The following ANKRD28 variants were observed in gnomAD, a reference collection of about 807,000 sequenced individuals.
ANKRD28 encodes ankyrin repeat domain 28, also known as serine/threonine-protein phosphatase 6 regulatory ankyrin repeat subunit A.
A neutral mutation model predicts 126.5 loss-of-function variants in ANKRD28; 44 were observed. The ratio of observed to expected loss-of-function variants is 0.35; its 90% CI spans 0.27 to 0.45. ANKRD28 has a LOEUF of 0.45. ANKRD28 is among the 20% of genes least tolerant of loss of function. The pLI is 1.00. For synonymous variants in ANKRD28, 442 were observed against 468.5 expected (o/e 0.94, Z 0.73); for missense variants, 1,110 against 1,316.6 (o/e 0.84, Z 2.43).
Position 15,670,150 on chromosome 3 carries a change from A to G in ANKRD28, c.*120T>C, listed in dbSNP as rs938248391. On this transcript the variant is annotated 3_prime_UTR_variant, in exon 28 of 28. Transcript: ENST00000683139. ...TCCTAATGCCATCAGATCTCTTAAC[A>G]TTGGCTCACTGTGGGATCTTTCCTC... The G allele has an allele frequency of 3.5e-6, 4 of 1,139,616 alleles. No individual in the cohort carries two copies. The highest frequency in any genetic ancestry group is 4.9e-6 in the Non-Finnish European group (4 of 812,954). 70.6% of individuals were successfully genotyped at this position (1,139,616 alleles called of 1,614,324 possible).
At chr3:15,822,021 A>G (rs1352183454) in intron 1 of ANKRD28, among the ~76,000 whole-genome samples, 1 of 152,210 alleles carries the variant, frequency 6.6e-6, no homozygotes, top group Admixed American at 6.5e-5. Flanking sequence ...GGAAGGAAGA[A>G]GCTGGAGAAG....
At position 15,670,138 on chromosome 3, in the gene ANKRD28, A is replaced by T; in HGVS notation, c.*132T>A. The T allele has an allele frequency of 2.0e-6, 2 of 997,826 alleles. No homozygotes were observed. Among genetic ancestry groups the T allele is most frequent in the Non-Finnish European group, 2.9e-6 (2 of 691,100 alleles). The allele number at this position is 997,826 out of a possible 1,614,324, so 61.8% of individuals were successfully genotyped here. ...TAAAACTCTTCCTCCTAATGCCATC[A>T]GATCTCTTAACATTGGCTCACTGTG... On this transcript the variant is annotated 3_prime_UTR_variant, in exon 28 of 28. Transcript: ENST00000683139.
intron 7 of ANKRD28, among the ~76,000 whole-genome samples, chr3:15,723,407 T>C (rs2073925404): frequency 6.6e-6 from 1 of 152,228 alleles, no homozygotes; most frequent in Admixed American, 6.5e-5. Context: ...ATCTTCTAAT[T>C]TACTGTTTTA....
intron 2 of ANKRD28, among the ~76,000 whole-genome samples, chr3:15,768,199 T>G (rs2058837883): frequency 6.6e-6 from 1 of 152,214 alleles, no homozygotes; most frequent in African/African-American, 2.4e-5. Context: ...TTTCAAGATT[T>G]AAACAAATGA....
chr3:15,745,849 A>G (rs1233911537), intron 4 of ANKRD28, among the ~76,000 whole-genome samples: 1 of 151,814 alleles, frequency 6.6e-6, no homozygotes, highest in African/African-American at 2.4e-5. Context: ...TGAGCATGGG[A>G]TATGTTTCTA....
intron 27 of ANKRD28, among the ~76,000 whole-genome samples, chr3:15,674,275 G>C (rs2066707038): frequency 6.7e-6 from 1 of 149,116 alleles, no homozygotes; most frequent in Non-Finnish European, 1.5e-5. Context: ...TAGCAGTAAA[G>C]AAAAAAGTGG....
At chr3:15,692,897 G>A (rs2125852807) in intron 17 of ANKRD28, among the ~76,000 whole-genome samples, 1 of 152,248 alleles carries the variant, frequency 6.6e-6, no homozygotes, top group Non-Finnish European at 1.5e-5. Flanking sequence ...AAAGAAAAAT[G>A]TGCTATATAC....
At chr3:15,695,238 A>G (rs753045435) in intron 15 of ANKRD28, 24 bp from the exon 16 acceptor site, 1 of 1,538,094 alleles carries the variant, frequency 6.5e-7, no homozygotes, top group Non-Finnish European at 8.9e-7. Context: ...CAAAACAAAA[A>G]TATTTAGCTT....
At chr3:15,756,534 C>A in intron 3 of ANKRD28, 1 of 985,072 alleles carries the variant, frequency 1.0e-6, no homozygotes, top group Non-Finnish European at 1.2e-6. Flanking sequence ...AGAGGTCTAA[C>A]GTTGTGAAGA....
At chr3:15,740,872 C>T (rs1452929543) in intron 4 of ANKRD28, among the ~76,000 whole-genome samples, 1 of 152,120 alleles carries the variant, frequency 6.6e-6, no homozygotes, top group Non-Finnish European at 1.5e-5. Context: ...AAGGTGTGAA[C>T]CCTGAATCCA....
intron 11 of ANKRD28, 134 bp from the exon 12 acceptor site, chr3:15,711,408 CT>C (rs1412568283): frequency 1.5e-6 from 1 of 646,390 alleles, no homozygotes; most frequent in African/African-American, 1.9e-5. Flanking sequence ...GCTAGAGTGC[CT>C]GTTTAAAAGG....
At chr3:15,676,422 T>C (rs547081978) in intron 26 of ANKRD28, among the ~76,000 whole-genome samples, 1 of 152,222 alleles carries the variant, frequency 6.6e-6, no homozygotes, top group Admixed American at 6.5e-5. Context: ...TGACTAATTT[T>C]TGGACCTTCA....
chr3:15,740,274 T>C (rs1422949075), intron 4 of ANKRD28, among the ~76,000 whole-genome samples: 4 of 152,156 alleles, frequency 2.6e-5, no homozygotes, highest in Non-Finnish European at 5.9e-5. Flanking sequence ...GTAACAGAAA[T>C]CTTCTATATC....
intron 14 of ANKRD28, among the ~76,000 whole-genome samples, chr3:15,702,830 C>A (rs751999669): frequency 6.6e-6 from 1 of 152,096 alleles, no homozygotes; most frequent in Non-Finnish European, 1.5e-5. Context: ...CCCACCACCC[C>A]ACCCCTGGCC....
At position 15,668,537 on chromosome 3, in the gene ANKRD28, G is replaced by A. The variant is rs1374027971; in HGVS notation, c.*1733C>T. ...TTTTAGAAAAAATGCTTAAAATCTA[G>A]TAGTCAATGCCCTAGAAACTTTATA... is the stretch of plus-strand genomic sequence containing the variant. On this transcript the variant is annotated 3_prime_UTR_variant, in exon 28 of 28. Coordinates refer to ENST00000683139, the MANE Select transcript of ANKRD28 (RefSeq NM_001349278.2). 6.6e-6 allele frequency: 1 copy of A among 152,398 alleles called. No individual in the cohort carries two copies. Among genetic ancestry groups the A allele is most frequent in the Non-Finnish European group, 1.5e-5 (1 of 67,984 alleles). 9.4% of individuals were successfully genotyped at this position (152,398 alleles called of 1,614,324 possible).
At chr3:15,689,645 C>T (rs762536548) in intron 18 of ANKRD28, among the ~76,000 whole-genome samples, 19 of 152,190 alleles carry the variant, frequency 1.2e-4, no homozygotes, top group Non-Finnish European at 2.6e-4. Flanking sequence ...AAGCCAGGCA[C>T]AAAGTTAGTT....
In ANKRD28 at chr3:15,792,866, C is replaced by T. The variant is rs754931847; in HGVS notation, c.201+2357G>A. 8.4e-4 allele frequency among the ~76,000 whole-genome samples: 128 copies of T among 151,748 alleles called. 1 individual carries two copies. The Middle Eastern group carries it at 0.01, about 12-fold the overall frequency. On this transcript the variant is annotated intron_variant, in intron 2 of 27. Transcript: ENST00000683139. ...TGTACCCACAAATTTTTTTTAAAAC[C>T]CACTAAAATAAGAAGAAAAATCTAT... is the stretch of plus-strand genomic sequence containing the variant.
intron 14 of ANKRD28, among the ~76,000 whole-genome samples, chr3:15,698,887 C>G (rs758127204): frequency 6.6e-6 from 1 of 152,166 alleles, no homozygotes; most frequent in Non-Finnish European, 1.5e-5. Context: ...TTGGAAAAAA[C>G]TACTTTAAAG....
intron 1 of ANKRD28, among the ~76,000 whole-genome samples, chr3:15,803,534 T>C (rs2060508248): frequency 6.6e-6 from 1 of 151,538 alleles, no homozygotes; most frequent in Non-Finnish European, 1.5e-5. Flanking sequence ...GGAGAATCGC[T>C]TGAACCTGGG....
Sources: gnomAD v4.1 joint callset for allele counts (sites outside exome capture counted in the v4.1 genomes callset) on GRCh38, gnomAD v4.1.1 for gene constraint, MANE v1.5 for transcripts, NCBI Gene and HGNC (gene_info 2026-07-23, HGNC 2026-07-21) for gene names.